The following CPLX2 variants were observed in gnomAD, a reference collection of about 807,000 sequenced individuals.
CPLX2 encodes complexin-2.
CPLX2 carries 5 observed loss-of-function variants against 16.3 expected under a neutral mutation model. The observed-to-expected ratio is 0.31, with a 90% CI of 0.16 to 0.64. The LOEUF is 0.64. CPLX2 is among the 30% of genes least tolerant of loss of function. CPLX2 has a pLI of 0.79. For missense variants in CPLX2, 144 were observed against 181.4 expected, an observed-to-expected ratio of 0.79 and a Z score of 1.18; for synonymous variants, 89 against 73.2, an observed-to-expected ratio of 1.22 and a Z score of -1.10.
chr5:175,812,489 A>C (rs577232948), intron 2 of CPLX2, among the ~76,000 whole-genome samples: 2 of 152,338 alleles, frequency 1.3e-5, no homozygotes, highest in African/African-American at 4.8e-5. Context: ...TGAGTGAATA[A>C]TCAGGTCAGA....
chr5:175,871,462 A>AAAGAGAGAGAGAGAGAGG (rs1759610395), upstream of CPLX2: 5 of 136,238 alleles, frequency 3.7e-5, no homozygotes, highest in African/African-American at 1.3e-4. Context: ...AGAGAGAGAG[A>AAAGAGAGAGAGAGAGAGG]GAGAGAGAGA....
chr5:175,847,815 G>GACA (rs1225906567), intron 2 of CPLX2, among the ~76,000 whole-genome samples: 1 of 152,224 alleles, frequency 6.6e-6, no homozygotes, highest in Admixed American at 6.5e-5. Context: ...GGCACCAAGA[G>GACA]ACACTGCCTG....
At chr5:175,846,620 G>C (rs761425635) in intron 2 of CPLX2, among the ~76,000 whole-genome samples, 1 of 152,132 alleles carries the variant, frequency 6.6e-6, no homozygotes, top group Non-Finnish European at 1.5e-5. Flanking sequence ...GGGACAAAGA[G>C]GCTTGCTCAA....
At chr5:175,862,563 T>C (rs1759393318) in intron 2 of CPLX2, among the ~76,000 whole-genome samples, 1 of 152,216 alleles carries the variant, frequency 6.6e-6, no homozygotes, top group Non-Finnish European at 1.5e-5. Flanking sequence ...AAGTGGCTAC[T>C]ATGAGACTGC....
chr5:175,844,673 T>C (rs1243700630), intron 2 of CPLX2, among the ~76,000 whole-genome samples: 1 of 152,130 alleles, frequency 6.6e-6, no homozygotes. Flanking sequence ...GAGCAGCAAG[T>C]GCGAAGGGCC....
chr5:175,860,218 C>T (rs1434484849), intron 2 of CPLX2, among the ~76,000 whole-genome samples: 3 of 152,144 alleles, frequency 2.0e-5, no homozygotes, highest in African/African-American at 7.2e-5. Flanking sequence ...TGGTCAGGCA[C>T]TGTGGCTCAT....
chr5:175,857,380 T>C (rs1159051250), intron 2 of CPLX2, among the ~76,000 whole-genome samples: 1 of 152,224 alleles, frequency 6.6e-6, no homozygotes, highest in African/African-American at 2.4e-5. Flanking sequence ...CCACTCTGAA[T>C]TATCTTTCCA....
rs1759641733 is a variant in CPLX2 at position 175,872,167 on chromosome 5, G to A, written c.-89+462G>A. 6.6e-6 allele frequency: 1 copy of A among 152,286 alleles called. No individual in the cohort carries two copies. Among genetic ancestry groups the A allele is most frequent in the African/African-American group, 2.4e-5 (1 of 41,470 alleles). The allele number at this position is 152,286 out of a possible 1,614,324, so 9.4% of individuals were successfully genotyped here. ...AGCACGCTTCGCCCCGGAGGAGGGA[G>A]TCGCCCCCAGGGGTACAGTGCGCAC... On this transcript the variant is annotated intron_variant, in intron 1 of 3. Coordinates refer to ENST00000393745, the MANE Select transcript of CPLX2 (RefSeq NM_001008220.2). This position sits in a 1 kb window ranked among gnomAD's most constrained non-coding sequence, Gnocchi z 5.0.
At position 175,830,944 on chromosome 5, in the gene CPLX2, C is replaced by G. The variant is rs1179259989; in HGVS notation, c.-89+21876C>G. 6.6e-6 allele frequency among the ~76,000 whole-genome samples: 1 copy of G among 152,218 alleles called. No homozygotes were observed. Among genetic ancestry groups the G allele is most frequent in the African/African-American group, 2.4e-5 (1 of 41,448 alleles). ...CAAGGGAAACGTGCGTGTGTTCGTG[C>G]TCACACAGTTGTGTCAGTGCGATTG... On this transcript the variant is annotated intron_variant, in intron 2 of 4. Coordinates refer to the CPLX2 transcript ENST00000359546. This position sits in a 1 kb window ranked among gnomAD's most constrained non-coding sequence, Gnocchi z 4.0.
At chr5:175,875,442 T>C (rs1198012598) in intron 1 of CPLX2, among the ~76,000 whole-genome samples, 1 of 152,172 alleles carries the variant, frequency 6.6e-6, no homozygotes, top group Non-Finnish European at 1.5e-5. Flanking sequence ...TTTTGATTAT[T>C]ACAACCATTT....
Position 175,879,904 on chromosome 5 carries a change from G to A in CPLX2, c.264G>A (p.Gln88=), listed in dbSNP as rs761717452. 2 of 1,613,850 alleles carry A rather than the reference G, an allele frequency of 1.2e-6. No individual in the cohort carries two copies. Among genetic ancestry groups the A allele is most frequent in the Non-Finnish European group, 8.5e-7 (1 of 1,179,918 alleles). ...CAGAGGAGAAAGCAGCCCTGGAGCA[G>A]CCCTGCGAGGGGAGCCTGACCCGGC... is the stretch of plus-strand genomic sequence containing the variant. ...KEAEEKAALE[Q]PCEGSLTRPK... The change falls in exon 4 of 4, where the codon CAG becomes CAA. Residue 88 remains glutamine (Q), a synonymous_variant. Coordinates refer to ENST00000393745, the MANE Select transcript of CPLX2 (RefSeq NM_001008220.2).
chr5:175,817,138 C>T (rs1479114028), intron 2 of CPLX2, among the ~76,000 whole-genome samples: 1 of 152,226 alleles, frequency 6.6e-6, no homozygotes, highest in East Asian at 1.9e-4. Flanking sequence ...AAGACACTTG[C>T]CATGCTTTCT....
chr5:175,820,275 G>A (rs184942603), intron 2 of CPLX2, among the ~76,000 whole-genome samples: 49 of 152,326 alleles, frequency 3.2e-4, no homozygotes, highest in East Asian at 1.9e-3. Context: ...CCAGCAGGGC[G>A]CCTGGCGTCA....
upstream of CPLX2, among the ~76,000 whole-genome samples, chr5:175,869,914 A>T (rs1248760562): frequency 6.6e-6 from 1 of 152,366 alleles, no homozygotes; most frequent in Middle Eastern, 3.4e-3. Context: ...AAAAACTCCA[A>T]TTGTAACCAG....
At chr5:175,855,248 T>C (rs1327131853) in intron 2 of CPLX2, among the ~76,000 whole-genome samples, 1 of 152,166 alleles carries the variant, frequency 6.6e-6, no homozygotes, top group Non-Finnish European at 1.5e-5. Flanking sequence ...AGAGTCGAAA[T>C]GTGTGGAGTC....
chr5:175,866,189 T>C (rs1759473444), intron 2 of CPLX2, among the ~76,000 whole-genome samples: 2 of 152,226 alleles, frequency 1.3e-5, no homozygotes. Context: ...TGATTGTGCC[T>C]GGGCAAGTCC....
At chr5:175,824,459 T>C (rs1409377559) in intron 2 of CPLX2, among the ~76,000 whole-genome samples, 2 of 152,154 alleles carry the variant, frequency 1.3e-5, no homozygotes, top group Non-Finnish European at 1.5e-5. Flanking sequence ...CCCAAGTCTC[T>C]CTCATTTCCC....
chr5:175,802,996 T>C (rs1581065052), intron 1 of CPLX2, among the ~76,000 whole-genome samples: 1 of 152,196 alleles, frequency 6.6e-6, no homozygotes, highest in East Asian at 1.9e-4. Flanking sequence ...CACACCAGAC[T>C]AATTTTTGTA....
chr5:175,864,440 T>C (rs1759429053), intron 2 of CPLX2, among the ~76,000 whole-genome samples: 1 of 152,210 alleles, frequency 6.6e-6, no homozygotes, highest in Non-Finnish European at 1.5e-5. Flanking sequence ...ATTCTCTTCC[T>C]CAGAGCTCCC....
Sources: gnomAD v4.1 joint callset for allele counts (sites outside exome capture counted in the v4.1 genomes callset) on GRCh38, gnomAD v4.1.1 for gene constraint, Gnocchi (gnomAD v3.1) non-coding constraint, MANE v1.5 for transcripts, NCBI Gene and HGNC (gene_info 2026-07-23, HGNC 2026-07-21) for gene names.